Variants in BMPER observed in about 807,000 individuals in gnomAD.
The protein encoded by BMPER is BMP-binding endothelial regulator protein.
Under a neutral mutation model 87.3 loss-of-function variants are expected in BMPER, and 45 were observed. The observed-to-expected ratio is 0.52, with a 90% CI of 0.41 to 0.66. The LOEUF (loss-of-function observed/expected upper bound fraction) is 0.66. Ranked by LOEUF, BMPER falls within the 30% of genes least tolerant of loss-of-function variation. BMPER has a pLI of 0.00. For synonymous variants in BMPER, 326 were observed against 316.2 expected (o/e 1.03, Z -0.33); for missense variants, 784 against 867.5 (o/e 0.90, Z 1.21).
intron 6 of BMPER, among the ~76,000 whole-genome samples, chr7:34,031,863 G>A (rs575274011): frequency 8.6e-6 from 1 of 116,888 alleles, no homozygotes; most frequent in East Asian, 2.9e-4. Context: ...GAGCTGCATG[G>A]CATTTAAAAT....
At chr7:34,109,984 T>C (rs1339943579) in intron 13 of BMPER, among the ~76,000 whole-genome samples, 1 of 152,210 alleles carries the variant, frequency 6.6e-6, no homozygotes, top group Non-Finnish European at 1.5e-5. Flanking sequence ...ACAGTCACTA[T>C]ACAGCAAGGG....
At chr7:34,151,570 G>A (rs149226138) in intron 14 of BMPER, among the ~76,000 whole-genome samples, 1,980 of 152,288 alleles carry the variant, frequency 0.013, 19 homozygotes, top group Non-Finnish European at 0.019. Context: ...GATATGGGAT[G>A]TTTCAATATA....
intron 7 of BMPER, among the ~76,000 whole-genome samples, chr7:34,046,884 A>T (rs368142608): frequency 6.6e-6 from 1 of 151,866 alleles, no homozygotes. Context: ...TCTCTTTCTT[A>T]TTGAACATTT....
chr7:34,065,886 G>C (rs1788576378), intron 11 of BMPER, among the ~76,000 whole-genome samples: 1 of 152,130 alleles, frequency 6.6e-6, no homozygotes, highest in East Asian at 1.9e-4. Flanking sequence ...TTCTCTGAAA[G>C]GAGGCAAGAA....
chr7:33,915,574 C>T (rs1784072052), intron 2 of BMPER, among the ~76,000 whole-genome samples: 1 of 152,074 alleles, frequency 6.6e-6, no homozygotes, highest in South Asian at 2.1e-4. Flanking sequence ...AGCTGTGCAC[C>T]ACTGAGCAGA....
chr7:34,134,981 G>A (rs912761178), intron 13 of BMPER, among the ~76,000 whole-genome samples: 5 of 152,186 alleles, frequency 3.3e-5, no homozygotes, highest in African/African-American at 1.2e-4. Flanking sequence ...AGCTTCAGAA[G>A]AGGGTCAGAG....
At chr7:33,970,675 G>A (rs926197442) in intron 5 of BMPER, among the ~76,000 whole-genome samples, 61 of 152,182 alleles carry the variant, frequency 4.0e-4, no homozygotes, top group African/African-American at 1.4e-3. Context: ...AGGGCCACAG[G>A]TAATGCTTAT....
At chr7:34,129,624 GAA>G (rs1790513476) in intron 13 of BMPER, among the ~76,000 whole-genome samples, 5 of 141,212 alleles carry the variant, frequency 3.5e-5, no homozygotes, top group African/African-American at 1.1e-4. Flanking sequence ...GAGAGAGAGA[GAA>G]AGAGAGAAAG....
intron 6 of BMPER, among the ~76,000 whole-genome samples, chr7:34,041,876 G>C (rs1450783973): frequency 6.6e-6 from 1 of 152,086 alleles, no homozygotes; most frequent in Non-Finnish European, 1.5e-5. Context: ...ATTGTAACGG[G>C]TTAGCACTGC....
chr7:33,942,988 A>G (rs1459811105), intron 3 of BMPER, among the ~76,000 whole-genome samples: 2 of 152,122 alleles, frequency 1.3e-5, no homozygotes, highest in Non-Finnish European at 2.9e-5. Flanking sequence ...TCCTCCCATG[A>G]TTTGTTGAAA....
chr7:34,071,502 A>T (rs570452552), intron 11 of BMPER, among the ~76,000 whole-genome samples: 16 of 152,370 alleles, frequency 1.1e-4, no homozygotes, highest in Admixed American at 2.0e-4. Flanking sequence ...AGCTCCAAGG[A>T]GGCTTTAAAG....
intron 8 of BMPER, 129 bp downstream of exon 8, chr7:34,052,099 A>G (rs756960533): frequency 2.8e-5 from 24 of 858,000 alleles, no homozygotes; most frequent in Admixed American, 3.9e-5. Context: ...GCCATTTTAC[A>G]AGGAAAATCA....
chr7:33,960,616 T>A (rs757147568), intron 3 of BMPER, among the ~76,000 whole-genome samples: 1 of 152,152 alleles, frequency 6.6e-6, no homozygotes. Context: ...AAAAAGCAGT[T>A]GAGAATAAAC....
chr7:34,054,987 T>C (rs1162366840), intron 8 of BMPER, among the ~76,000 whole-genome samples, 176 bp from the exon 9 acceptor site: 1 of 152,186 alleles, frequency 6.6e-6, no homozygotes, highest in Admixed American at 6.5e-5. Flanking sequence ...CTAGTCTAGA[T>C]ACTTAATCAA....
rs1220604299 is a variant in BMPER, at chr7:34,156,406, T to C, written c.*3133T>C. 6.6e-6 allele frequency among the ~76,000 whole-genome samples: 1 copy of C among 152,194 alleles called. No homozygotes were observed. The highest frequency in any genetic ancestry group is 1.9e-4 in the East Asian group (1 of 5,190). ...TCTTGAATCAATAAATAAAACCTAATAAATGCTGTCTCATGGTTGCACAGC... is the reference window on the plus strand; with the variant it reads ...TCTTGAATCAATAAATAAAACCTAACAAATGCTGTCTCATGGTTGCACAGC... On this transcript the variant is annotated 3_prime_UTR_variant, in exon 15 of 15. Transcript: ENST00000649409.
At chr7:33,928,230 T>G (rs941442296) in intron 2 of BMPER, among the ~76,000 whole-genome samples, 2 of 152,150 alleles carry the variant, frequency 1.3e-5, no homozygotes, top group Non-Finnish European at 2.9e-5. Flanking sequence ...TTCACATGCC[T>G]GGCAGAGTGA....
intron 13 of BMPER, among the ~76,000 whole-genome samples, chr7:34,116,602 C>G (rs540377485): frequency 2.0e-5 from 3 of 152,142 alleles, no homozygotes; most frequent in African/African-American, 7.2e-5. Flanking sequence ...TTTACCTTTC[C>G]AAAAGCTATT....
intron 6 of BMPER, among the ~76,000 whole-genome samples, chr7:34,038,124 A>G (rs1787731266): frequency 6.6e-6 from 1 of 152,224 alleles, no homozygotes; most frequent in South Asian, 2.1e-4. Context: ...GTGACCTTAC[A>G]TGGCACAAGA....
At chr7:33,974,306 G>C (rs941676353) in intron 5 of BMPER, among the ~76,000 whole-genome samples, 26 of 152,194 alleles carry the variant, frequency 1.7e-4, no homozygotes, top group African/African-American at 6.0e-4. Flanking sequence ...GGGGCCCCTG[G>C]TGTCATCTGC....
Sources: gnomAD v4.1 joint callset for allele counts (sites outside exome capture counted in the v4.1 genomes callset) on GRCh38, gnomAD v4.1.1 for gene constraint, MANE v1.5 for transcripts, NCBI Gene and HGNC (gene_info 2026-07-23, HGNC 2026-07-21) for gene names.